MECOM: variants seen among roughly 807,000 people sequenced by gnomAD.
The protein encoded by MECOM is MDS1 and EVI1 complex locus.
Under a neutral mutation model 116.3 loss-of-function variants are expected in MECOM, and 13 were observed. That is an observed-to-expected ratio of 0.11 (90% CI 0.07 to 0.18). The LOEUF is 0.18. MECOM is among the 10% of genes least tolerant of loss of function. The pLI is 1.00. For synonymous variants in MECOM, 528 were observed against 535.2 expected (o/e 0.99, Z 0.19); for missense variants, 1,299 against 1,509.0 (o/e 0.86, Z 2.31).
At chr3:169,523,642 T>C (rs1226229704) in intron 1 of MECOM, among the ~76,000 whole-genome samples, 1 of 152,098 alleles carries the variant, frequency 6.6e-6, no homozygotes, top group Non-Finnish European at 1.5e-5. Context: ...CAAACTTCTT[T>C]AGGCTGTTTA....
intron 2 of MECOM, among the ~76,000 whole-genome samples, chr3:169,213,288 A>G (rs1751015107): frequency 6.6e-6 from 1 of 152,078 alleles, no homozygotes; most frequent in Non-Finnish European, 1.5e-5. Flanking sequence ...TATGCATGTA[A>G]AAAGTAGAGT....
At chr3:169,246,470 A>G (rs1300009794) in intron 2 of MECOM, among the ~76,000 whole-genome samples, 1 of 151,996 alleles carries the variant, frequency 6.6e-6, no homozygotes, top group African/African-American at 2.4e-5. Context: ...ATCTTATCAT[A>G]TCTTGATAAA....
intron 2 of MECOM, among the ~76,000 whole-genome samples, chr3:169,217,094 T>G (rs1267897261): frequency 6.6e-6 from 1 of 152,158 alleles, no homozygotes; most frequent in African/African-American, 2.4e-5. Context: ...GGGTGGATGA[T>G]CCGCAGATAG....
intron 1 of MECOM, among the ~76,000 whole-genome samples, chr3:169,394,819 G>A (rs1240505633): frequency 1.3e-5 from 2 of 152,098 alleles, no homozygotes; most frequent in Non-Finnish European, 2.9e-5. Flanking sequence ...AATTTGCATA[G>A]TACAAAGGAT....
intron 2 of MECOM, among the ~76,000 whole-genome samples, chr3:169,209,933 GC>G (rs773700808): frequency 6.6e-6 from 1 of 152,116 alleles, no homozygotes; most frequent in African/African-American, 2.4e-5. Context: ...ATTTACAATA[GC>G]AAAGTCATGG....
intron 1 of MECOM, among the ~76,000 whole-genome samples, chr3:169,392,072 T>C (rs909120394): frequency 3.9e-5 from 6 of 152,230 alleles, no homozygotes; most frequent in Non-Finnish European, 8.8e-5. Flanking sequence ...AATCGGCTTT[T>C]GTTGAAATAT....
At position 169,095,107 on chromosome 3, in the gene MECOM, G is replaced by A. The variant is rs1219215020; in HGVS notation, c.2988C>T (p.His996=). 2.5e-6 allele frequency: 4 copies of A among 1,610,358 alleles called. No homozygotes were observed. The African/African-American group carries it at 4.0e-5, about 16-fold the overall frequency. The change falls in exon 13 of 17, where the codon CAC becomes CAT. Residue 996 remains histidine, a synonymous_variant. Transcript: ENST00000651503. ...CFGQQTNLDR[H]LKKHENGNMS... is the part of the protein sequence containing the mutation. Reference sequence around the variant, plus strand: ...TGTTCCCATTCTCATGTTTCTTTAGGTGTCTGTCTAAATTGGTTTGTTGAC... The same window carrying A: ...TGTTCCCATTCTCATGTTTCTTTAGATGTCTGTCTAAATTGGTTTGTTGAC...
intron 2 of MECOM, among the ~76,000 whole-genome samples, chr3:169,185,140 C>A (rs77124506): frequency 2.4e-4 from 37 of 152,140 alleles, no homozygotes; most frequent in African/African-American, 8.2e-4. Context: ...AGGTTTAGAG[C>A]CTACGATAAT....
chr3:169,386,622 C>A (rs1733361798), intron 1 of MECOM, among the ~76,000 whole-genome samples: 1 of 152,098 alleles, frequency 6.6e-6, no homozygotes, highest in African/African-American at 2.4e-5. Flanking sequence ...GAATCCACAA[C>A]AGCTGAACTA....
intron 1 of MECOM, among the ~76,000 whole-genome samples, chr3:169,637,922 T>C (rs1423276852): frequency 6.6e-6 from 1 of 152,134 alleles, no homozygotes; most frequent in Non-Finnish European, 1.5e-5. Flanking sequence ...CAATCCAGCA[T>C]GAAAGGTAAA....
At chr3:169,618,733 T>G (rs764053630) in intron 1 of MECOM, among the ~76,000 whole-genome samples, 1 of 152,158 alleles carries the variant, frequency 6.6e-6, no homozygotes, top group African/African-American at 2.4e-5. Context: ...CACCATGGCT[T>G]ACACCCACCT....
chr3:169,092,820 A>G (rs1576848758), intron 14 of MECOM, 138 bp downstream of exon 14: 1 of 911,566 alleles, frequency 1.1e-6, no homozygotes, highest in Non-Finnish European at 1.6e-6. Context: ...TTAATGTGGT[A>G]TTTAATATGT....
chr3:169,595,903 C>T (rs1767069735), intron 1 of MECOM, among the ~76,000 whole-genome samples: 1 of 148,284 alleles, frequency 6.7e-6, no homozygotes, highest in Admixed American at 6.8e-5. Flanking sequence ...GAAAAAACAT[C>T]AAATCCAAAT....
rs180806702 is a variant in MECOM at position 169,324,596 on chromosome 3, C to T, written c.375+56591G>A. 3.5e-3 allele frequency among the ~76,000 whole-genome samples: 526 copies of T among 152,338 alleles called. 3 individuals are homozygous for T. The highest frequency in any genetic ancestry group is 5.7e-3 in the Non-Finnish European group (386 of 68,030). On this transcript the variant is annotated intron_variant, in intron 2 of 16. Transcript: ENST00000651503. ...ACCTTCTGAGAATTTCGGCAACGTGCCAAAGTCCCAGCTAATGACTAGAAG... is the reference window on the plus strand; with the variant it reads ...ACCTTCTGAGAATTTCGGCAACGTGTCAAAGTCCCAGCTAATGACTAGAAG...
At chr3:169,489,469 G>A (rs1172584207) in intron 1 of MECOM, among the ~76,000 whole-genome samples, 1 of 152,138 alleles carries the variant, frequency 6.6e-6, no homozygotes, top group Non-Finnish European at 1.5e-5. Flanking sequence ...AAGAGATTTG[G>A]CTTACAGATA....
At chr3:169,289,972 G>A (rs1302966141) in intron 2 of MECOM, among the ~76,000 whole-genome samples, 2 of 152,138 alleles carry the variant, frequency 1.3e-5, no homozygotes, top group East Asian at 1.9e-4. Context: ...GAAGGTACCA[G>A]GAGGAGTGTT....
Position 169,172,403 on chromosome 3 carries a change from T to TTG in MECOM, c.376-28573_376-28572dup, listed in dbSNP as rs1287087223. ...ACTTCATTTACTTCCGCAGGTACCCTTGTATGTGTGTGTGTGTGTGTGTGT... is the reference window on the plus strand; with the variant it reads ...ACTTCATTTACTTCCGCAGGTACCCTTGTGTATGTGTGTGTGTGTGTGTGTGT... On this transcript the variant is annotated intron_variant, in intron 2 of 16. Coordinates refer to ENST00000651503, the MANE Select transcript of MECOM (RefSeq NM_004991.4). Among the ~76,000 whole-genome samples, 819 of 112,898 alleles carry TTG rather than the reference T, an allele frequency of 7.3e-3. 7 individuals are homozygous for TTG. The highest frequency in any genetic ancestry group is 0.028 in the African/African-American group (772 of 27,438). 74.1% of individuals were successfully genotyped at this position (112,898 alleles called of 152,430 possible).
intron 1 of MECOM, among the ~76,000 whole-genome samples, chr3:169,472,212 A>T (rs1351087812): frequency 6.6e-6 from 1 of 151,870 alleles, no homozygotes; most frequent in Non-Finnish European, 1.5e-5. Flanking sequence ...AATTAAAAAA[A>T]AATTAAAGTT....
chr3:169,232,954 A>G (rs1753587790), intron 2 of MECOM, among the ~76,000 whole-genome samples: 1 of 151,926 alleles, frequency 6.6e-6, no homozygotes, highest in African/African-American at 2.4e-5. Flanking sequence ...CTTCCAGACC[A>G]TTCACCCAGG....
Sources: allele counts gnomAD v4.1 joint callset (sites outside exome capture counted in the v4.1 genomes callset), GRCh38; gene constraint gnomAD v4.1.1; transcripts MANE v1.5; gene names NCBI Gene and HGNC (gene_info 2026-07-23, HGNC 2026-07-21).